ARSK: variants seen among roughly 807,000 people sequenced by gnomAD.
The protein encoded by ARSK is arylsulfatase K.
ARSK carries 37 observed loss-of-function variants against 53.2 expected under a neutral mutation model. The observed-to-expected ratio is 0.70, with a 90% CI of 0.54 to 0.92. ARSK has a LOEUF of 0.92. Ranked by LOEUF, ARSK falls within the 40% of genes least tolerant of loss-of-function variation. The pLI is 0.00. For missense variants in ARSK, 613 were observed against 643.0 expected, an observed-to-expected ratio of 0.95 and a Z score of 0.51; for synonymous variants, 208 against 223.2, an observed-to-expected ratio of 0.93 and a Z score of 0.61.
At chr5:95,581,252 G>C (rs1443688986) in intron 3 of ARSK, among the ~76,000 whole-genome samples, 1 of 152,042 alleles carries the variant, frequency 6.6e-6, no homozygotes, top group Non-Finnish European at 1.5e-5. Context: ...AGAATCTCAG[G>C]AACACAGTTA....
At chr5:95,595,319 A>C (rs1423308336) in intron 6 of ARSK, among the ~76,000 whole-genome samples, 1 of 152,244 alleles carries the variant, frequency 6.6e-6, no homozygotes, top group Non-Finnish European at 1.5e-5. Context: ...TAGACCCAGC[A>C]ATCCCATTAC....
intron 1 of ARSK, chr5:95,556,321 A>C: frequency 1.5e-6 from 1 of 687,774 alleles, no homozygotes. Flanking sequence ...CTGGAAATTG[A>C]CTAGATGGCA....
At chr5:95,582,255 C>A (rs1377006046) in intron 3 of ARSK, among the ~76,000 whole-genome samples, 1 of 151,892 alleles carries the variant, frequency 6.6e-6, no homozygotes, top group Admixed American at 6.6e-5. Context: ...ATCAAGCAGT[C>A]AGATAAAATA....
chr5:95,572,513 T>C (rs1435138872), intron 3 of ARSK, among the ~76,000 whole-genome samples: 1 of 152,172 alleles, frequency 6.6e-6, no homozygotes, highest in Admixed American at 6.5e-5. Flanking sequence ...GCGCGGTGGC[T>C]CACGCCTGTA....
chr5:95,585,817 A>T (rs775004446), intron 4 of ARSK, among the ~76,000 whole-genome samples: 1 of 152,216 alleles, frequency 6.6e-6, no homozygotes, highest in Non-Finnish European at 1.5e-5. Flanking sequence ...GGAAATTAAA[A>T]GTTAGTTTAA....
intron 3 of ARSK, among the ~76,000 whole-genome samples, chr5:95,580,350 G>A (rs970154238): frequency 1.3e-5 from 2 of 152,176 alleles, no homozygotes; most frequent in Non-Finnish European, 2.9e-5. Flanking sequence ...CACTTAGAAC[G>A]ATGAGACAAA....
intron 3 of ARSK, among the ~76,000 whole-genome samples, chr5:95,569,722 G>T (rs1748792733): frequency 6.6e-6 from 1 of 152,192 alleles, no homozygotes; most frequent in African/African-American, 2.4e-5. Flanking sequence ...AAGCCACACA[G>T]TTTGCAATAA....
chr5:95,582,780 C>G (rs1749039119), intron 3 of ARSK, 136 bp from the exon 4 acceptor site: 1 of 804,490 alleles, frequency 1.2e-6, no homozygotes, highest in African/African-American at 1.7e-5. Context: ...TTTTTGAGAT[C>G]TAATATAGTT....
At chr5:95,596,485 A>T (rs1399618520) in intron 6 of ARSK, among the ~76,000 whole-genome samples, 1 of 152,206 alleles carries the variant, frequency 6.6e-6, no homozygotes, top group Non-Finnish European at 1.5e-5. Context: ...TTTTTCAAGG[A>T]TAAACTTTGC....
At chr5:95,582,613 A>G (rs1230005202) in intron 3 of ARSK, among the ~76,000 whole-genome samples, 1 of 152,192 alleles carries the variant, frequency 6.6e-6, no homozygotes, top group Non-Finnish European at 1.5e-5. Context: ...AAATAAGGAG[A>G]AATACTAGAA....
intron 3 of ARSK, among the ~76,000 whole-genome samples, chr5:95,575,441 T>C (rs1310030381): frequency 1.3e-5 from 2 of 152,228 alleles, no homozygotes; most frequent in African/African-American, 2.4e-5. Flanking sequence ...ATGGATTGCA[T>C]TGAATCTGTA....
intron 3 of ARSK, among the ~76,000 whole-genome samples, chr5:95,575,440 A>G (rs1748909902): frequency 6.6e-6 from 1 of 152,176 alleles, no homozygotes. Context: ...TATGGATTGC[A>G]TTGAATCTGT....
chr5:95,560,804 T>G (rs574496781), intron 1 of ARSK, among the ~76,000 whole-genome samples: 6 of 10,882 alleles, frequency 5.5e-4, no homozygotes, highest in South Asian at 4.2e-3. Flanking sequence ...CAAAAGATCT[T>G]TTTTTTTTTT....
intron 1 of ARSK, among the ~76,000 whole-genome samples, chr5:95,558,491 A>C (rs1441074663): frequency 6.6e-6 from 1 of 152,238 alleles, no homozygotes; most frequent in Non-Finnish European, 1.5e-5. Flanking sequence ...ACAAGAAAAA[A>C]GACAAAAGAG....
intron 6 of ARSK, among the ~76,000 whole-genome samples, chr5:95,593,217 T>G (rs1749247295): frequency 6.6e-6 from 1 of 152,154 alleles, no homozygotes; most frequent in South Asian, 2.1e-4. Context: ...CTTTTTAGCC[T>G]CATTCTGTTT....
chr5:95,561,901 TAATA>T (rs1748641939), intron 1 of ARSK, among the ~76,000 whole-genome samples: 3 of 152,152 alleles, frequency 2.0e-5, no homozygotes, highest in African/African-American at 7.2e-5. Context: ...AATTATATCT[TAATA>T]AACCCATTTT....
rs745828390 is a variant in ARSK, at chr5:95,591,610, T to A, written c.1081T>A (p.Tyr361Asn). ...AAATGTGGTTTCTCTTGTGGATATT[T>A]ACCCTACCATGCTTGGTAAGTAATG... ...VSNVVSLVDI[Y>N]PTMLDIAGIP... Residue 361 changes from tyrosine (Y) to asparagine (N), a missense_variant, in exon 6 of 8, where the codon TAC (tyrosine) becomes AAC (asparagine). Tyr to Asn is a moderately radical substitution (Grantham distance 143, BLOSUM62 -2). Transcript: ENST00000380009. 9 of 1,613,926 alleles carry A rather than the reference T, an allele frequency of 5.6e-6. No homozygotes were observed. The highest frequency in any genetic ancestry group is 8.5e-7 in the Non-Finnish European group (1 of 1,179,890).
intron 3 of ARSK, among the ~76,000 whole-genome samples, chr5:95,580,439 T>C (rs1749002753): frequency 6.6e-6 from 1 of 152,174 alleles, no homozygotes; most frequent in Admixed American, 6.6e-5. Context: ...CCATCACTCT[T>C]GTAAGAAGGG....
At position 95,586,630 on chromosome 5, in the gene ARSK, C is replaced by G. The variant is rs373982219; in HGVS notation, c.768C>G (p.Tyr256Ter). The G allele has an allele frequency of 1.9e-5, 30 of 1,611,678 alleles. No individual in the cohort carries two copies. The highest frequency in any genetic ancestry group is 2.5e-5 in the Non-Finnish European group (30 of 1,178,680). Residue 256 changes from tyrosine to a stop codon, truncating the protein, a stop_gained, in exon 5 of 8, where the codon TAC (tyrosine) becomes TAG (stop). Coordinates refer to ENST00000380009, the MANE Select transcript of ARSK (RefSeq NM_198150.3). LOFTEE classifies it high-confidence loss of function. ...CAGAAATGCACCCTGTAGATTATTA[C>G]TCTTCTTATACAAAAAACTGCACTG... ...PLSEMHPVDY[Y>*]SSYTKNCTGR...
Sources: allele counts gnomAD v4.1 joint callset (sites outside exome capture counted in the v4.1 genomes callset), GRCh38; gene constraint gnomAD v4.1.1; transcripts MANE v1.5; gene names NCBI Gene and HGNC (gene_info 2026-07-23, HGNC 2026-07-21).